The following CACNB4 variants were observed in gnomAD, a reference collection of about 807,000 sequenced individuals.
The protein encoded by CACNB4 is calcium voltage-gated channel auxiliary subunit beta 4.
A neutral mutation model predicts 71.2 loss-of-function variants in CACNB4; 32 were observed. The ratio of observed to expected loss-of-function variants is 0.45; its 90% confidence interval spans 0.34 to 0.60. CACNB4 has a LOEUF of 0.60. Ranked by LOEUF, CACNB4 falls within the 20% of genes least tolerant of loss-of-function variation. CACNB4 has a pLI of 0.01. For synonymous variants in CACNB4, 231 were observed against 236.9 expected (o/e 0.97, Z 0.23); for missense variants, 464 against 647.9 (o/e 0.72, Z 3.08).
intron 2 of CACNB4, among the ~76,000 whole-genome samples, chr2:152,057,044 T>C (rs548556689): frequency 2.8e-4 from 42 of 152,102 alleles, no homozygotes; most frequent in Non-Finnish European, 5.1e-4. Context: ...TACGGCAACA[T>C]TGAGGGATGT....
chr2:152,067,199 G>A (rs1686386026), intron 2 of CACNB4, among the ~76,000 whole-genome samples: 1 of 151,930 alleles, frequency 6.6e-6, no homozygotes, highest in African/African-American at 2.4e-5. Flanking sequence ...AATGCCTGTG[G>A]GCCACTCTTG....
At chr2:152,010,865 G>A (rs1342468517) in intron 2 of CACNB4, among the ~76,000 whole-genome samples, 1 of 152,154 alleles carries the variant, frequency 6.6e-6, no homozygotes, top group African/African-American at 2.4e-5. Context: ...CACACCTCAA[G>A]GACAGCAACC....
At chr2:151,851,262 G>C (rs1016928612) in intron 12 of CACNB4, 17 of 152,230 alleles carry the variant, frequency 1.1e-4, no homozygotes, top group Admixed American at 9.2e-4. Flanking sequence ...CAAAATAGAG[G>C]ATACTATTCC....
rs1320623795 is a variant in CACNB4, at chr2:152,099,012, C to CTG, written c.-2_-1insCA. The CTG allele has an allele frequency of 6.6e-7, 1 of 1,524,716 alleles. No homozygotes were observed. The allele number at this position is 1,524,716 out of a possible 1,614,324, so 94.4% of individuals were successfully genotyped here. A position where few individuals can be genotyped will look rare whatever the true frequency, so the allele number is the denominator to read the frequency against. ...TCTTGGCGTAGGAGGAGGAGGACAT[C>CTG]GTTCAGAGCCGCCGCATGGCCAGCC... On this transcript the variant is annotated 5_prime_UTR_variant, in exon 1 of 14. Transcript: ENST00000539935.
intron 7 of CACNB4, 26 bp downstream of exon 7, chr2:151,870,816 A>C (rs760810352): frequency 6.3e-7 from 1 of 1,579,890 alleles, no homozygotes; most frequent in South Asian, 1.1e-5. Flanking sequence ...CCTTAACAGT[A>C]GATTTAAAAA....
At chr2:151,909,850 T>G (rs1200887507) in intron 2 of CACNB4, among the ~76,000 whole-genome samples, 4 of 152,202 alleles carry the variant, frequency 2.6e-5, no homozygotes, top group Non-Finnish European at 5.9e-5. Flanking sequence ...CTATTGTAAA[T>G]CGTGCTGCAA....
chr2:152,013,594 G>A (rs1683181215), intron 2 of CACNB4, among the ~76,000 whole-genome samples: 1 of 152,016 alleles, frequency 6.6e-6, no homozygotes, highest in African/African-American at 2.4e-5. Flanking sequence ...GATACGCAGG[G>A]GGCCAAATTG....
At chr2:151,869,416 A>C in intron 8 of CACNB4, 181 bp from the exon 9 acceptor site, 1 of 544,128 alleles carries the variant, frequency 1.8e-6, no homozygotes, top group Non-Finnish European at 3.3e-6. Flanking sequence ...GCAATTGCTA[A>C]TTTCCACCCC....
chr2:152,004,707 A>C (rs1049119104), intron 2 of CACNB4, among the ~76,000 whole-genome samples: 30 of 152,220 alleles, frequency 2.0e-4, no homozygotes, highest in African/African-American at 7.0e-4. Flanking sequence ...ATCTACCAGC[A>C]GAATAGGGCT....
intron 2 of CACNB4, among the ~76,000 whole-genome samples, chr2:151,974,701 G>A (rs756557129): frequency 2.0e-5 from 3 of 151,566 alleles, no homozygotes; most frequent in East Asian, 3.9e-4. Flanking sequence ...AAATAGAAAC[G>A]TCAGACTCCC....
chr2:151,898,728 T>C (rs1016068788), intron 2 of CACNB4, among the ~76,000 whole-genome samples: 3 of 152,272 alleles, frequency 2.0e-5, no homozygotes, highest in African/African-American at 7.2e-5. Flanking sequence ...TCTTTTGTTA[T>C]CATTCTCATG....
chr2:152,080,789 C>T (rs894237788), intron 2 of CACNB4, among the ~76,000 whole-genome samples: 9 of 152,176 alleles, frequency 5.9e-5, no homozygotes, highest in Admixed American at 5.9e-4. Context: ...AGGCATATCC[C>T]TCATGAATGT....
At chr2:151,971,241 G>T in intron 2 of CACNB4, 2 of 501,232 alleles carry the variant, frequency 4.0e-6, no homozygotes, top group Non-Finnish European at 7.2e-6. Flanking sequence ...ACTCTTATTC[G>T]GAATAAAATT....
intron 2 of CACNB4, among the ~76,000 whole-genome samples, chr2:151,945,761 C>T (rs373860070): frequency 1.8e-4 from 27 of 151,724 alleles, no homozygotes; most frequent in Admixed American, 3.9e-4. Context: ...CAATAGTACG[C>T]GCCTGTAGTC....
At chr2:151,982,684 T>C (rs555976052) in intron 2 of CACNB4, among the ~76,000 whole-genome samples, 1 of 150,144 alleles carries the variant, frequency 6.7e-6, no homozygotes, top group Non-Finnish European at 1.5e-5. Flanking sequence ...CCTTTGGATG[T>C]GGTGCTGATG....
At chr2:151,875,822 C>A (rs1341536145) in intron 5 of CACNB4, among the ~76,000 whole-genome samples, 1 of 138,468 alleles carries the variant, frequency 7.2e-6, no homozygotes, top group East Asian at 2.4e-4. Context: ...CCCTCCCGGA[C>A]GGGGCGTCTC....
At chr2:152,069,510 T>C (rs1325341365) in intron 2 of CACNB4, among the ~76,000 whole-genome samples, 1 of 151,570 alleles carries the variant, frequency 6.6e-6, no homozygotes, top group African/African-American at 2.4e-5. Context: ...CGCCTTTTTT[T>C]TTTTTTTTTT....
At position 151,997,842 on chromosome 2, in the gene CACNB4, C is replaced by A. The variant is rs144395388; in HGVS notation, c.147+100488G>T. On this transcript the variant is annotated intron_variant, in intron 2 of 13. Coordinates refer to ENST00000539935, the MANE Select transcript of CACNB4 (RefSeq NM_000726.5). The stretch of plus-strand genomic sequence containing the variant: ...CTCAGGAAACAAGTATGTCCTAAAC[C>A]CAACCACAGTCAAATTCCTAAATTA... 6.6e-5 allele frequency among the ~76,000 whole-genome samples: 10 copies of A among 152,278 alleles called. No homozygotes were observed. In the East Asian group the frequency reaches 1.5e-3, roughly 23 times the overall value.
At chr2:151,949,821 G>T (rs1179862665) in intron 2 of CACNB4, among the ~76,000 whole-genome samples, 3 of 152,144 alleles carry the variant, frequency 2.0e-5, no homozygotes, top group Non-Finnish European at 4.4e-5. Flanking sequence ...GGCTGAGGCG[G>T]TGGATCACTT....
Sources: gnomAD v4.1 joint callset for allele counts (sites outside exome capture counted in the v4.1 genomes callset) on GRCh38, gnomAD v4.1.1 for gene constraint, MANE v1.5 for transcripts, NCBI Gene and HGNC (gene_info 2026-07-23, HGNC 2026-07-21) for gene names.